KALRN: variants seen among roughly 807,000 people sequenced by gnomAD.
KALRN encodes kalirin.
A neutral mutation model predicts 353.7 loss-of-function variants in KALRN; 70 were observed. The observed-to-expected ratio is 0.20, with a 90% confidence interval of 0.16 to 0.24. The LOEUF (loss-of-function observed/expected upper bound fraction) is 0.24, where lower values mean the gene tolerates loss of function less well. Among genes scored for constraint, KALRN ranks in the 10% least tolerant of loss-of-function variants. KALRN has a pLI of 1.00. For synonymous variants in KALRN, 1,391 were observed against 1,434.8 expected, an observed-to-expected ratio of 0.97 and a Z score of 0.69; for missense variants, 2,791 against 3,756.7, an observed-to-expected ratio of 0.74 and a Z score of 6.72.
At chr3:124,383,621 G>A (rs2087749771) in intron 10 of KALRN, among the ~76,000 whole-genome samples, 1 of 151,996 alleles carries the variant, frequency 6.6e-6, no homozygotes, top group Non-Finnish European at 1.5e-5. Flanking sequence ...ATTGGATTAG[G>A]GATCTATCCT....
At chr3:124,232,883 A>C (rs979762456) in intron 2 of KALRN, among the ~76,000 whole-genome samples, 5 of 132,268 alleles carry the variant, frequency 3.8e-5, no homozygotes, top group Non-Finnish European at 8.3e-5. Context: ...TCAGACAGGG[A>C]AAAAAAAAAG....
chr3:124,373,972 G>C (rs2086227964), intron 10 of KALRN, among the ~76,000 whole-genome samples: 1 of 152,182 alleles, frequency 6.6e-6, no homozygotes, highest in Non-Finnish European at 1.5e-5. Context: ...ACCAAGCCCA[G>C]GGAGGTTAAC....
Position 124,671,685 on chromosome 3 carries a change from A to G in KALRN, c.6729A>G (p.Gln2243=), listed in dbSNP as rs756244650. The G allele has an allele frequency of 7.4e-6, 12 of 1,613,972 alleles. No individual in the cohort carries two copies. The Admixed American group carries it at 1.3e-4, about 18-fold the overall frequency. The change falls in exon 48 of 60, where the codon CAA becomes CAG. Residue 2243 remains glutamine, a synonymous_variant. Coordinates refer to ENST00000682506, the MANE Select transcript of KALRN (RefSeq NM_001388419.1). The part of the protein sequence containing the change: ...LNALQSPIEY[Q]RKERSTAVMR... Reference sequence around the variant, plus strand: ...CACTGCAATCGCCCATTGAGTATCAACGGAAAGAAAGGAGCACAGCTGTGA... The same window carrying G: ...CACTGCAATCGCCCATTGAGTATCAGCGGAAAGAAAGGAGCACAGCTGTGA...
chr3:124,388,030 A>C (rs116087232), intron 11 of KALRN, among the ~76,000 whole-genome samples: 6,799 of 152,152 alleles, frequency 0.045, 507 homozygotes, highest in African/African-American at 0.15. Flanking sequence ...GTACATGTAT[A>C]TGTGTACACA....
chr3:124,165,286 A>G (rs1173746446), intron 1 of KALRN, among the ~76,000 whole-genome samples: 1 of 152,208 alleles, frequency 6.6e-6, no homozygotes, highest in South Asian at 2.1e-4. Context: ...ATTATTGCCT[A>G]CAGTACCACT....
In KALRN at chr3:124,194,371, A is replaced by T. The variant is rs1418013627; in HGVS notation, c.74-33619A>T. On this transcript the variant is annotated intron_variant, in intron 1 of 59. Coordinates refer to ENST00000682506, the MANE Select transcript of KALRN (RefSeq NM_001388419.1). The stretch of plus-strand genomic sequence containing the variant: ...GGGTTAGGAGGCTTTGGTGTCAAGC[A>T]TACCTGGGTCTTAGTTCTGGCTCTG... 3.9e-5 allele frequency among the ~76,000 whole-genome samples: 6 copies of T among 152,136 alleles called. No individual in the cohort carries two copies. In the East Asian group the frequency reaches 1.2e-3, roughly 30 times the overall value.
At chr3:124,679,788 T>C (rs1042989963) in intron 51 of KALRN, 11 of 513,686 alleles carry the variant, frequency 2.1e-5, no homozygotes, top group African/African-American at 1.5e-4. Context: ...GGTTTGACTT[T>C]ATGTAGAAAA....
intron 45 of KALRN, among the ~76,000 whole-genome samples, chr3:124,662,960 A>G (rs1161164019): frequency 6.6e-6 from 1 of 151,074 alleles, no homozygotes; most frequent in East Asian, 1.9e-4. Flanking sequence ...TCTGTGGCCA[A>G]GTTTCCTTTT....
intron 10 of KALRN, among the ~76,000 whole-genome samples, chr3:124,376,993 A>G (rs2086678373): frequency 6.6e-6 from 1 of 152,182 alleles, no homozygotes; most frequent in South Asian, 2.1e-4. Flanking sequence ...CCCAAGAATG[A>G]ATGTAATTCA....
chr3:124,663,536 A>G (rs2085165911), intron 45 of KALRN, among the ~76,000 whole-genome samples: 1 of 152,204 alleles, frequency 6.6e-6, no homozygotes, highest in Non-Finnish European at 1.5e-5. Flanking sequence ...TAATAAATTA[A>G]CCACACACAA....
At chr3:124,475,931 G>A (rs2061388912) in intron 26 of KALRN, among the ~76,000 whole-genome samples, 1 of 151,550 alleles carries the variant, frequency 6.6e-6, no homozygotes, top group South Asian at 2.1e-4. Flanking sequence ...ATGATCCCTT[G>A]CACAGCAAAC....
chr3:124,428,780 G>A (rs563316327), intron 15 of KALRN, among the ~76,000 whole-genome samples: 1 of 152,342 alleles, frequency 6.6e-6, no homozygotes, highest in African/African-American at 2.4e-5. Flanking sequence ...TGGGAAGCTT[G>A]TAAGTAGGGA....
At position 124,646,391 on chromosome 3, in the gene KALRN, C is replaced by CTTTTTTTTTTTTTTTTTTTTTTTT. The variant is rs10673161; in HGVS notation, c.5665-4400_5665-4399insTTTTTTTTTTTTTTTTTTTTTTTT. 1.2e-3 allele frequency among the ~76,000 whole-genome samples: 136 copies of CTTTTTTTTTTTTTTTTTTTTTTTT among 110,412 alleles called. 17 individuals are homozygous for CTTTTTTTTTTTTTTTTTTTTTTTT. The highest frequency in any genetic ancestry group is 2.8e-3 in the East Asian group (8 of 2,874). The allele number at this position is 110,412 out of a possible 152,430, so 72.4% of individuals were successfully genotyped here. A position where few individuals can be genotyped will look rare whatever the true frequency, so the allele number is the denominator to read the frequency against. ...GACTGCTAGAGGGATCTTTTGTTTA[C>CTTTTTTTTTTTTTTTTTTTTTTTT]TTTTTTTTTTTTTTTTTGAGACAGA... On this transcript the variant is annotated intron_variant, in intron 37 of 59. Transcript: ENST00000682506.
chr3:124,678,197 T>C lies in KALRN; in HGVS notation c.7201T>C (p.Cys2401Arg), dbSNP rs1436349032. 6.8e-6 allele frequency: 11 copies of C among 1,613,564 alleles called. No homozygotes were observed. The highest frequency in any genetic ancestry group is 6.7e-5 in the African/African-American group (5 of 74,896). Residue 2401 changes from cysteine to arginine, a missense_variant, in exon 50 of 60, where the codon TGT (cysteine) becomes CGT (arginine). Around this residue, in one of 11 missense-constraint regions of KALRN, gnomAD observed 1,065 missense variants for 1,156.4 expected, o/e 0.92. Coordinates refer to ENST00000682506, the MANE Select transcript of KALRN (RefSeq NM_001388419.1). ...CATTTTTTGGTACAACAGGAAGTCA[T>C]GTTCATGGCATACTCTACGCATGAG... The part of the protein sequence containing the change: ...ESSDGSIKKS[C>R]SWHTLRMRKR...
intron 44 of KALRN, 84 bp downstream of exon 44, chr3:124,661,057 G>A (rs2084807963): frequency 9.0e-7 from 1 of 1,107,260 alleles, no homozygotes; most frequent in Admixed American, 1.7e-5. Context: ...TGTCTCAGGA[G>A]GACCGTGGAT....
intron 33 of KALRN, among the ~76,000 whole-genome samples, chr3:124,502,838 T>A (rs2064760838): frequency 6.6e-6 from 1 of 152,228 alleles, no homozygotes; most frequent in African/African-American, 2.4e-5. Flanking sequence ...ATGTGGAGAC[T>A]TGGCAGCATT....
rs1416615368 is a variant in KALRN, at chr3:124,437,607, T to G, written c.3049-1281T>G. Among the ~76,000 whole-genome samples, 34 of 143,920 alleles carry G rather than the reference T, an allele frequency of 2.4e-4. No individual in the cohort carries two copies. In the Admixed American group the frequency reaches 2.6e-3, roughly 11 times the overall value. 94.4% of individuals were successfully genotyped at this position (143,920 alleles called of 152,430 possible). A position where few individuals can be genotyped will look rare whatever the true frequency, so the allele number is the denominator to read the frequency against. ...CAGGAGCCTGAGGCAGGAGAATCCC[T>G]TGAACCTGGGAGGCAGAGGTTGCAT... On this transcript the variant is annotated intron_variant, in intron 17 of 59. Transcript: ENST00000682506.
intron 57 of KALRN, among the ~76,000 whole-genome samples, chr3:124,706,789 C>T (rs2062638644): frequency 6.6e-6 from 1 of 151,768 alleles, no homozygotes; most frequent in South Asian, 2.1e-4. Context: ...AGGCTGATCT[C>T]AAACTCTTGA....
At chr3:124,376,783 A>G (rs1479371962) in intron 10 of KALRN, among the ~76,000 whole-genome samples, 1 of 152,168 alleles carries the variant, frequency 6.6e-6, no homozygotes, top group Non-Finnish European at 1.5e-5. Context: ...TTGAGTGACT[A>G]TTGAAAGGAG....
Sources: allele counts gnomAD v4.1 joint callset (sites outside exome capture counted in the v4.1 genomes callset), GRCh38; gene constraint gnomAD v4.1.1; regional missense constraint gnomAD v4.1.1; transcripts MANE v1.5; gene names NCBI Gene and HGNC (gene_info 2026-07-23, HGNC 2026-07-21).